TSHZ3: variants seen among roughly 807,000 people sequenced by gnomAD.
The protein encoded by TSHZ3 is teashirt homolog 3.
In TSHZ3, 10 loss-of-function variants were observed where a neutral mutation model predicts 64.5. The observed-to-expected ratio is 0.16, with a 90% CI of 0.10 to 0.26. TSHZ3 has a LOEUF of 0.26. TSHZ3 is among the 10% of genes least tolerant of loss of function. TSHZ3 has a pLI of 1.00. For synonymous variants in TSHZ3, 608 were observed against 593.1 expected (o/e 1.03, Z -0.36); for missense variants, 1,242 against 1,421.7 (o/e 0.87, Z 2.03).
intron 1 of TSHZ3, among the ~76,000 whole-genome samples, chr19:31,309,420 G>A (rs8103455): frequency 0.047 from 7,106 of 152,122 alleles, 320 homozygotes; most frequent in African/African-American, 0.13. Flanking sequence ...CTCTACAGGC[G>A]CAGGAACCCA....
chr19:31,250,050 G>A (rs983704321), intron 1 of TSHZ3, among the ~76,000 whole-genome samples: 78 of 152,318 alleles, frequency 5.1e-4, no homozygotes, highest in African/African-American at 1.8e-3. Context: ...CAGGCTGCAC[G>A]CGCCAGGCAC....
chr19:31,345,768 A>G (rs1420657336), intron 1 of TSHZ3, among the ~76,000 whole-genome samples: 2 of 152,112 alleles, frequency 1.3e-5, no homozygotes, highest in African/African-American at 4.8e-5. Context: ...TAAGTAAAAT[A>G]TCTGCTATTA....
rs532125155 is a variant in TSHZ3 at position 31,278,461 on chromosome 19, G to A, written c.1332C>T (p.Ser444=). The part of the protein sequence containing the change: ...ITTLLDEKVQ[S]VPLAATTFTS... ...TGAAGGTGGTGGCTGCCAGGGGCAC[G>A]GACTGGACCTTCTCATCCAGCAGGG... The change falls in exon 2 of 2, where the codon TCC becomes TCT. Residue 444 remains serine (S), a synonymous_variant. Coordinates refer to ENST00000240587, the MANE Select transcript of TSHZ3 (RefSeq NM_020856.4). The surrounding 1 kb of genome is among the most constrained non-coding windows in gnomAD (Gnocchi z 4.7). The A allele has an allele frequency of 8.1e-6, 13 of 1,614,020 alleles. No homozygotes were observed. Among genetic ancestry groups the A allele is most frequent in the Middle Eastern group, 1.6e-4 (1 of 6,084 alleles).
chr19:31,334,779 G>A (rs2145187534), intron 1 of TSHZ3, among the ~76,000 whole-genome samples: 1 of 152,220 alleles, frequency 6.6e-6, no homozygotes, highest in African/African-American at 2.4e-5. Context: ...ATCCTGCCAT[G>A]CCCCCTTGAG....
chr19:31,318,520 C>T (rs1916670356), intron 1 of TSHZ3, among the ~76,000 whole-genome samples: 1 of 152,100 alleles, frequency 6.6e-6, no homozygotes, highest in African/African-American at 2.4e-5. Flanking sequence ...AAAAGCATTA[C>T]ACTTCTCTAG....
chr19:31,162,169 G>A (rs760311230), intron 5 of TSHZ3, among the ~76,000 whole-genome samples: 18 of 152,034 alleles, frequency 1.2e-4, no homozygotes, highest in South Asian at 4.2e-4. Context: ...AGTTCCTTGC[G>A]TGTCCTATTG....
intron 1 of TSHZ3, among the ~76,000 whole-genome samples, chr19:31,327,883 T>C (rs778941109): frequency 1.3e-5 from 2 of 152,262 alleles, no homozygotes; most frequent in East Asian, 1.9e-4. Context: ...ATTTGTTTAG[T>C]GTTCTCTTTC....
intron 1 of TSHZ3, among the ~76,000 whole-genome samples, chr19:31,328,663 A>G (rs1916992846): frequency 6.6e-6 from 1 of 152,214 alleles, no homozygotes; most frequent in Admixed American, 6.5e-5. Context: ...CATATCCAAT[A>G]ACAAATAAGA....
At chr19:31,304,385 C>T (rs1315872934) in intron 1 of TSHZ3, among the ~76,000 whole-genome samples, 1 of 152,106 alleles carries the variant, frequency 6.6e-6, no homozygotes, top group Non-Finnish European at 1.5e-5. Context: ...GCCTGTGGCC[C>T]CCACACCCAT....
At chr19:31,238,788 G>A (rs1249872695) in intron 3 of TSHZ3, among the ~76,000 whole-genome samples, 3 of 152,048 alleles carry the variant, frequency 2.0e-5, no homozygotes, top group Admixed American at 6.6e-5. Flanking sequence ...TTTTTAAAAT[G>A]TGTCTCCTAC....
At chr19:31,154,976 T>G (rs1366617901) in intron 6 of TSHZ3, among the ~76,000 whole-genome samples, 1 of 152,242 alleles carries the variant, frequency 6.6e-6, no homozygotes, top group Non-Finnish European at 1.5e-5. Context: ...GATGCCAGGT[T>G]TGCTGAGGGG....
chr19:31,329,113 T>C (rs1917005625), intron 1 of TSHZ3, among the ~76,000 whole-genome samples: 1 of 152,210 alleles, frequency 6.6e-6, no homozygotes, highest in Non-Finnish European at 1.5e-5. Flanking sequence ...GCGGCACATG[T>C]ATTGCACTGA....
chr19:31,184,783 C>T (rs1225499635), intron 5 of TSHZ3, among the ~76,000 whole-genome samples: 1 of 152,124 alleles, frequency 6.6e-6, no homozygotes, highest in African/African-American at 2.4e-5. Context: ...GAATGCATGA[C>T]CCTAGTTTAT....
At chr19:31,162,460 A>T (rs979191638) in intron 5 of TSHZ3, among the ~76,000 whole-genome samples, 8 of 152,242 alleles carry the variant, frequency 5.3e-5, no homozygotes, top group African/African-American at 1.9e-4. Context: ...TTTGTTTCAG[A>T]CACTTGAATG....
chr19:31,285,337 G>A (rs1032298906), intron 1 of TSHZ3, among the ~76,000 whole-genome samples: 3 of 151,918 alleles, frequency 2.0e-5, no homozygotes, highest in Non-Finnish European at 4.4e-5. Flanking sequence ...AAAATTAACC[G>A]GGCATGGTGG....
At chr19:31,263,003 T>C (rs182118750) in intron 1 of TSHZ3, among the ~76,000 whole-genome samples, 16 of 152,330 alleles carry the variant, frequency 1.1e-4, no homozygotes, top group Admixed American at 1.0e-3. Flanking sequence ...GAAATTAATT[T>C]CCTGTAACCC....
At chr19:31,184,918 G>A (rs1452974002) in intron 5 of TSHZ3, among the ~76,000 whole-genome samples, 2 of 152,178 alleles carry the variant, frequency 1.3e-5, no homozygotes, top group Non-Finnish European at 2.9e-5. Flanking sequence ...AGGAAAAAAT[G>A]CATTCCTCTG....
rs1216151023 is a variant in TSHZ3 at position 31,196,067 on chromosome 19, C to T, written n.809+8889G>A. Among the ~76,000 whole-genome samples, 3 of 151,576 alleles carry T rather than the reference C, an allele frequency of 2.0e-5. No individual in the cohort carries two copies. In the East Asian group the frequency reaches 5.8e-4, roughly 29 times the overall value. ...TGGTTGACCAAAACATAAGGCATGA[C>T]ATTGTGTGTGTATGTGTGTGTGTGT... On this transcript the variant is annotated intron_variant and non_coding_transcript_variant, in intron 5 of 6. Transcript: ENST00000651361.
At chr19:31,258,927 G>A (rs1474433461) in intron 1 of TSHZ3, among the ~76,000 whole-genome samples, 2 of 152,176 alleles carry the variant, frequency 1.3e-5, no homozygotes, top group Non-Finnish European at 2.9e-5. Context: ...TCCTCTGTGA[G>A]TCCCGGCAGG....
Sources: gnomAD v4.1 joint callset for allele counts (sites outside exome capture counted in the v4.1 genomes callset) on GRCh38, gnomAD v4.1.1 for gene constraint, Gnocchi (gnomAD v3.1) non-coding constraint, MANE v1.5 for transcripts, NCBI Gene and HGNC (gene_info 2026-07-23, HGNC 2026-07-21) for gene names.